The following CLSTN1 variants were observed in gnomAD, a reference collection of about 807,000 sequenced individuals.
The protein encoded by CLSTN1 is calsyntenin-1.
Under a neutral mutation model 108.3 loss-of-function variants are expected in CLSTN1, and 28 were observed. That is an observed-to-expected ratio of 0.26 (90% CI 0.19 to 0.35). The LOEUF (loss-of-function observed/expected upper bound fraction) is 0.35, where lower values mean the gene tolerates loss of function less well. Ranked by LOEUF, CLSTN1 falls within the 10% of genes least tolerant of loss-of-function variation. The pLI is 1.00. For missense variants in CLSTN1, 1,157 were observed against 1,302.6 expected, an observed-to-expected ratio of 0.89 and a Z score of 1.72; for synonymous variants, 524 against 534.9, an observed-to-expected ratio of 0.98 and a Z score of 0.28.
In CLSTN1 at chr1:9,749,857, T is replaced by G; in HGVS notation, c.706A>C (p.Thr236Pro). ...TTCCCACAGTCATAGGCAGTGACGGTCAGCTTATATTGATGTTCTTTCCCG... is the reference window on the plus strand; with the variant it reads ...TTCCCACAGTCATAGGCAGTGACGGGCAGCTTATATTGATGTTCTTTCCCG... ...NYGKEHQYKLTVTAYDCGKKR... is the reference protein window; with the variant it reads ...NYGKEHQYKLPVTAYDCGKKR... The change falls in exon 6 of 19, where the codon ACC (threonine) becomes CCC (proline). Residue 236 changes from threonine (T) to proline (P), a missense_variant. By Grantham distance (38) the Thr-to-Pro change is conservative (BLOSUM62 -1). Coordinates refer to ENST00000377298, the MANE Select transcript of CLSTN1 (RefSeq NM_001009566.3). 6.2e-7 allele frequency: 1 copy of G among 1,613,966 alleles called. No homozygotes were observed. Among genetic ancestry groups the G allele is most frequent in the Non-Finnish European group, 8.5e-7 (1 of 1,179,846 alleles).
At chr1:9,781,547 G>A (rs943087685) in intron 1 of CLSTN1, among the ~76,000 whole-genome samples, 8 of 151,536 alleles carry the variant, frequency 5.3e-5, no homozygotes, top group African/African-American at 1.7e-4. Context: ...GGGTTCAAGC[G>A]ATTCTCCTGC....
At chr1:9,818,774 ACT>A (rs1557729797) in intron 1 of CLSTN1, among the ~76,000 whole-genome samples, 4 of 135,626 alleles carry the variant, frequency 2.9e-5, no homozygotes, top group South Asian at 2.3e-4. Flanking sequence ...TCTTCAAGCA[ACT>A]CTTTTTTTTT....
chr1:9,755,174 G>A lies in CLSTN1; in HGVS notation c.380C>T (p.Thr127Ile). The change falls in exon 4 of 19, where the codon ACC becomes ATC. Residue 127 changes from threonine (T) to isoleucine (I), a missense_variant. Physicochemically the swap from Thr to Ile is moderately conservative, Grantham distance 89. Coordinates refer to ENST00000377298, the MANE Select transcript of CLSTN1 (RefSeq NM_001009566.3). ...DCELQKDYSF[T>I]IQAYDCGKGP... ...CTTCCCACAATCATAGGCCTGGATGGTGAATGAATAGTCTTTCTGCAGCTC... is the reference window on the plus strand; with the variant it reads ...CTTCCCACAATCATAGGCCTGGATGATGAATGAATAGTCTTTCTGCAGCTC... The A allele has an allele frequency of 6.2e-7, 1 of 1,614,140 alleles. No homozygotes were observed. The highest frequency in any genetic ancestry group is 8.5e-7 in the Non-Finnish European group (1 of 1,180,018).
At chr1:9,765,783 T>A (rs1489366129) in intron 2 of CLSTN1, among the ~76,000 whole-genome samples, 1 of 151,826 alleles carries the variant, frequency 6.6e-6, no homozygotes. Flanking sequence ...CTCAGGAGGC[T>A]GAGGCAGGAG....
At chr1:9,789,234 G>A (rs1340791802) in intron 1 of CLSTN1, among the ~76,000 whole-genome samples, 1 of 151,268 alleles carries the variant, frequency 6.6e-6, no homozygotes, top group African/African-American at 2.4e-5. Flanking sequence ...TAGGGTGATT[G>A]TATCTTTGTG....
intron 1 of CLSTN1, among the ~76,000 whole-genome samples, chr1:9,796,306 AAAC>A (rs1557719231): frequency 6.7e-6 from 1 of 150,366 alleles, no homozygotes; most frequent in Non-Finnish European, 1.5e-5. Flanking sequence ...AAAAAAAAAA[AAAC>A]AGGCATTTGA....
rs1033297557 is a variant in CLSTN1, at chr1:9,790,340, C to CATGA, written c.92-16950_92-16947dup. Reference sequence around the variant, plus strand: ...TATTCCTAACTTTGAGAGTTTTCATCATGAATGAATGAATAGCATCTTCTG... The same window carrying CATGA: ...TATTCCTAACTTTGAGAGTTTTCATCATGAATGAATGAATGAATAGCATCTTCTG... On this transcript the variant is annotated intron_variant, in intron 1 of 18. Transcript: ENST00000377298. Among the ~76,000 whole-genome samples, 35 of 151,528 alleles carry CATGA rather than the reference C, an allele frequency of 2.3e-4. 1 individual carries two copies. The highest frequency in any genetic ancestry group is 4.9e-4 in the Non-Finnish European group (33 of 68,016).
chr1:9,803,907 TAA>T (rs1486550116), intron 1 of CLSTN1, among the ~76,000 whole-genome samples: 1 of 152,192 alleles, frequency 6.6e-6, no homozygotes, highest in East Asian at 1.9e-4. Context: ...ACGAAAGTGG[TAA>T]TCTTTTTCAA....
At chr1:9,819,560 T>G (rs1288101560) in intron 1 of CLSTN1, among the ~76,000 whole-genome samples, 1 of 152,236 alleles carries the variant, frequency 6.6e-6, no homozygotes, top group Non-Finnish European at 1.5e-5. Context: ...ATGTATGTTA[T>G]GACCTCCTAA....
chr1:9,762,959 CCTTTTTTTTT>C (rs576517595), intron 2 of CLSTN1, among the ~76,000 whole-genome samples: 4 of 147,000 alleles, frequency 2.7e-5, no homozygotes, highest in Non-Finnish European at 5.9e-5. Flanking sequence ...TTTCGGGGTA[CCTTTTTTTTT>C]CTTTTTTTTG....
intron 4 of CLSTN1, 43 bp from the exon 5 acceptor site, chr1:9,751,724 AGT>A (rs754333396): frequency 1.9e-6 from 3 of 1,558,892 alleles, no homozygotes; most frequent in Admixed American, 1.7e-5. Flanking sequence ...GCTTGTTTTC[AGT>A]GTGAGAGAGA....
chr1:9,744,358 C>T (rs775559250), intron 8 of CLSTN1, 37 bp downstream of exon 8: 3 of 1,577,082 alleles, frequency 1.9e-6, no homozygotes, highest in Non-Finnish European at 2.6e-6. Flanking sequence ...CTACTGGACA[C>T]TGGGGCCTGG....
In CLSTN1 at chr1:9,823,168, C is replaced by T. The variant is rs968495246; in HGVS notation, c.91+475G>A. ...GAGTGGGCTCTTATGTAAGCACACACCAAAACTGTGCGTGCACCCCCCGCC... is the reference window on the plus strand; with the variant it reads ...GAGTGGGCTCTTATGTAAGCACACATCAAAACTGTGCGTGCACCCCCCGCC... On this transcript the variant is annotated intron_variant, in intron 1 of 18. Coordinates refer to ENST00000377298, the MANE Select transcript of CLSTN1 (RefSeq NM_001009566.3). The surrounding 1 kb of genome is among the most constrained non-coding windows in gnomAD (Gnocchi z 6.3). 1.3e-5 allele frequency among the ~76,000 whole-genome samples: 2 copies of T among 152,174 alleles called. No homozygotes were observed. The highest frequency in any genetic ancestry group is 2.9e-5 in the Non-Finnish European group (2 of 68,014).
intron 1 of CLSTN1, among the ~76,000 whole-genome samples, chr1:9,820,983 G>A (rs543871173): frequency 6.6e-6 from 1 of 152,316 alleles, no homozygotes; most frequent in African/African-American, 2.4e-5. Context: ...GCTTCGAAAT[G>A]CATTACATGG....
At chr1:9,778,743 G>A (rs142658590) in intron 1 of CLSTN1, among the ~76,000 whole-genome samples, 242 of 152,192 alleles carry the variant, frequency 1.6e-3, no homozygotes, top group African/African-American at 5.5e-3. Context: ...GGCCGGATGC[G>A]GTGGCTCACG....
chr1:9,738,323 G>A (rs1380600178), intron 10 of CLSTN1, among the ~76,000 whole-genome samples: 1 of 152,200 alleles, frequency 6.6e-6, no homozygotes. Context: ...TCCAGGTCAT[G>A]CTGAGGGGAA....
intron 7 of CLSTN1, among the ~76,000 whole-genome samples, chr1:9,747,504 T>C (rs1455796499): frequency 6.6e-6 from 1 of 152,072 alleles, no homozygotes; most frequent in Non-Finnish European, 1.5e-5. Context: ...TTTCTTCTTA[T>C]TTATTGTTTT....
intron 1 of CLSTN1, among the ~76,000 whole-genome samples, chr1:9,810,646 A>G (rs1416646617): frequency 1.3e-5 from 2 of 150,474 alleles, no homozygotes; most frequent in African/African-American, 2.4e-5. Context: ...GTGGTGGTGT[A>G]CACCTATAAT....
At chr1:9,757,332 C>T (rs1326394576) in intron 2 of CLSTN1, among the ~76,000 whole-genome samples, 3 of 150,662 alleles carry the variant, frequency 2.0e-5, no homozygotes, top group Non-Finnish European at 4.4e-5. Flanking sequence ...AGCTCCGCCT[C>T]CCTGGTTCAC....
Sources: allele counts gnomAD v4.1 joint callset (sites outside exome capture counted in the v4.1 genomes callset), GRCh38; gene constraint gnomAD v4.1.1; non-coding constraint Gnocchi (gnomAD v3.1); transcripts MANE v1.5; gene names NCBI Gene and HGNC (gene_info 2026-07-23, HGNC 2026-07-21).